Variants in PCDH15 observed in about 807,000 individuals in gnomAD.
PCDH15 encodes the protein protocadherin-15.
In PCDH15, 129 loss-of-function variants were observed where a neutral mutation model predicts 178.5. The observed-to-expected ratio is 0.72, with a 90% CI of 0.63 to 0.84. The LOEUF is 0.84. Among genes scored for constraint, PCDH15 ranks in the 40% least tolerant of loss-of-function variants. The pLI is 0.00. For synonymous variants in PCDH15, 800 were observed against 732.0 expected, an observed-to-expected ratio of 1.09 and a Z score of -1.50; for missense variants, 2,230 against 2,099.9, an observed-to-expected ratio of 1.06 and a Z score of -1.21.
intron 2 of PCDH15, among the ~76,000 whole-genome samples, chr10:55,151,095 A>G (rs1158637394): frequency 6.6e-6 from 1 of 152,054 alleles, no homozygotes; most frequent in Non-Finnish European, 1.5e-5. Context: ...CCTTTCGTAG[A>G]TCCCACGGCA....
At chr10:55,464,574 T>C (rs1375669807) in intron 2 of PCDH15, among the ~76,000 whole-genome samples, 2 of 151,054 alleles carry the variant, frequency 1.3e-5, no homozygotes, top group African/African-American at 4.9e-5. Context: ...AATAAAGATG[T>C]ATTCTTAGTT....
chr10:53,821,603 A>AATT (rs2132476064), intron 32 of PCDH15: 1 of 1,208,742 alleles, frequency 8.3e-7, no homozygotes, highest in South Asian at 2.2e-5. Flanking sequence ...AAGAGATTAA[A>AATT]ATTACTTACT....
At chr10:54,307,080 ACAT>A (rs2060562558) in intron 8 of PCDH15, among the ~76,000 whole-genome samples, 1 of 8,924 alleles carries the variant, frequency 1.1e-4, no homozygotes. Context: ...ATATATATAT[ACAT>A]ATATATATAT....
intron 2 of PCDH15, among the ~76,000 whole-genome samples, chr10:55,602,305 TG>T (rs1406730222): frequency 6.6e-6 from 1 of 151,692 alleles, no homozygotes; most frequent in African/African-American, 2.4e-5. Flanking sequence ...GCAGCGAGGC[TG>T]GGGGAGGGGC....
chr10:55,569,669 T>C (rs990569881), intron 2 of PCDH15, among the ~76,000 whole-genome samples: 1 of 151,938 alleles, frequency 6.6e-6, no homozygotes, highest in Non-Finnish European at 1.5e-5. Flanking sequence ...GAAATGTGGG[T>C]GAGTCCTACA....
At chr10:55,350,132 A>T (rs1354878575) in intron 2 of PCDH15, among the ~76,000 whole-genome samples, 1 of 150,766 alleles carries the variant, frequency 6.6e-6, no homozygotes, top group African/African-American at 2.4e-5. Context: ...ATTGATTCTG[A>T]CACAACTATA....
chr10:55,503,522 C>T (rs1003536675), intron 2 of PCDH15, among the ~76,000 whole-genome samples: 1 of 150,720 alleles, frequency 6.6e-6, no homozygotes, highest in Non-Finnish European at 1.5e-5. Flanking sequence ...GATTTTCATA[C>T]AATCTGAAAT....
At chr10:54,757,896 A>T (rs1591482617) in intron 1 of PCDH15, among the ~76,000 whole-genome samples, 1 of 152,100 alleles carries the variant, frequency 6.6e-6, no homozygotes, top group African/African-American at 2.4e-5. Flanking sequence ...AAAGAAACAG[A>T]TTCCTCAGGA....
intron 2 of PCDH15, among the ~76,000 whole-genome samples, chr10:55,128,977 G>A (rs117324569): frequency 0.026 from 3,910 of 152,182 alleles, 54 homozygotes; most frequent in Non-Finnish European, 0.039. Context: ...GCCATGATCT[G>A]TACATCAATA....
intron 2 of PCDH15, among the ~76,000 whole-genome samples, chr10:54,951,788 C>T (rs146025420): frequency 1.3e-5 from 2 of 151,970 alleles, no homozygotes; most frequent in East Asian, 3.9e-4. Flanking sequence ...TTTTAATTTG[C>T]AGTTCCCAAA....
intron 2 of PCDH15, among the ~76,000 whole-genome samples, chr10:54,529,145 C>T (rs2083654062): frequency 6.6e-6 from 1 of 151,812 alleles, no homozygotes; most frequent in South Asian, 2.1e-4. Context: ...TCAGGAAGCA[C>T]TATTCTGTAT....
rs190625052 is a variant in PCDH15 at position 54,206,917 on chromosome 10, G to A, written c.1098+7019C>T. ...AGTGGGGAGACGTGACAAGGGTTCA[G>A]AAAGTGCCTTTCCTTTGAACATTTT... On this transcript the variant is annotated intron_variant, in intron 10 of 37. Transcript: ENST00000644397. Among the ~76,000 whole-genome samples the A allele has an allele frequency of 9.5e-4, 145 of 152,204 alleles. 1 individual carries two copies. Among genetic ancestry groups the A allele is most frequent in the Non-Finnish European group, 1.4e-3 (94 of 67,984 alleles).
At chr10:54,116,237 C>CAAAA (rs58948747) in intron 15 of PCDH15, among the ~76,000 whole-genome samples, 1 of 124,746 alleles carries the variant, frequency 8.0e-6, no homozygotes. Context: ...ACTGAAAATG[C>CAAAA]AAAAAAAAAA....
At chr10:54,412,077 T>C (rs1004504420) in intron 3 of PCDH15, among the ~76,000 whole-genome samples, 1 of 151,934 alleles carries the variant, frequency 6.6e-6, no homozygotes, top group Non-Finnish European at 1.5e-5. Context: ...ATGTGCATTA[T>C]AGATTGAAGG....
chr10:55,597,907 C>T (rs996995099), intron 2 of PCDH15, among the ~76,000 whole-genome samples: 1 of 152,102 alleles, frequency 6.6e-6, no homozygotes, highest in Non-Finnish European at 1.5e-5. Flanking sequence ...TGGTCCTGGC[C>T]TTTTTATGAA....
At chr10:54,439,121 T>C (rs540672468) in intron 3 of PCDH15, among the ~76,000 whole-genome samples, 2 of 127,288 alleles carry the variant, frequency 1.6e-5, no homozygotes, top group African/African-American at 5.9e-5. Flanking sequence ...AAATTATATA[T>C]AGAAAAATAG....
At chr10:55,251,759 T>C (rs565956837) in intron 1 of PCDH15, among the ~76,000 whole-genome samples, 1 of 152,268 alleles carries the variant, frequency 6.6e-6, no homozygotes, top group Non-Finnish European at 1.5e-5. Flanking sequence ...GTTATTTTTG[T>C]CAGGATACAC....
intron 3 of PCDH15, among the ~76,000 whole-genome samples, chr10:54,413,032 T>C (rs1394504178): frequency 6.6e-6 from 1 of 152,188 alleles, no homozygotes; most frequent in Non-Finnish European, 1.5e-5. Context: ...CCTACTTGCT[T>C]ACTGAACTTT....
intron 3 of PCDH15, among the ~76,000 whole-genome samples, chr10:54,446,023 TCCC>T: frequency 6.6e-6 from 1 of 151,690 alleles, no homozygotes; most frequent in East Asian, 1.9e-4. Context: ...TAAGTTCTTG[TCCC>T]CTTTGGGACC....
Sources: allele counts gnomAD v4.1 joint callset (sites outside exome capture counted in the v4.1 genomes callset), GRCh38; gene constraint gnomAD v4.1.1; transcripts MANE v1.5; gene names NCBI Gene and HGNC (gene_info 2026-07-23, HGNC 2026-07-21).